Variants in UBE2L3 observed in about 807,000 individuals in gnomAD.
UBE2L3 encodes the protein ubiquitin-conjugating enzyme E2 L3.
In UBE2L3, 1 loss-of-function variant was observed where a neutral mutation model predicts 17.8. The observed-to-expected ratio is 0.06, with a 90% CI of 0.02 to 0.27. The LOEUF (loss-of-function observed/expected upper bound fraction) is 0.27. UBE2L3 is among the 10% of genes least tolerant of loss of function. The pLI, the probability that UBE2L3 is intolerant of heterozygous loss-of-function variation, is 1.00. For missense variants in UBE2L3, 40 were observed against 192.6 expected, an observed-to-expected ratio of 0.21 and a Z score of 4.69; for synonymous variants, 44 against 68.5, an observed-to-expected ratio of 0.64 and a Z score of 1.76.
chr22:21,605,945 G>A (rs556186780), intron 2 of UBE2L3, among the ~76,000 whole-genome samples: 15 of 152,070 alleles, frequency 9.9e-5, no homozygotes, highest in Middle Eastern at 3.4e-3. Context: ...TTGGGATTAC[G>A]GGCATGAGCC....
intron 1 of UBE2L3, among the ~76,000 whole-genome samples, chr22:21,557,842 C>A (rs1276786937): frequency 6.6e-6 from 1 of 152,236 alleles, no homozygotes; most frequent in Non-Finnish European, 1.5e-5. Context: ...TCTTAAGTGT[C>A]ATTTATCAGA....
At chr22:21,601,385 T>C (rs1928850630) in intron 2 of UBE2L3, among the ~76,000 whole-genome samples, 1 of 150,342 alleles carries the variant, frequency 6.7e-6, no homozygotes, top group African/African-American at 2.4e-5. Context: ...TGATCTCAGC[T>C]CACTGCAACC....
At chr22:21,572,144 T>C in intron 1 of UBE2L3, among the ~76,000 whole-genome samples, 1 of 152,022 alleles carries the variant, frequency 6.6e-6, no homozygotes, top group East Asian at 1.9e-4. Flanking sequence ...ACTAGAAAAC[T>C]CTGAGGCAGG....
At chr22:21,558,467 C>A (rs984789852) in intron 1 of UBE2L3, among the ~76,000 whole-genome samples, 1 of 152,184 alleles carries the variant, frequency 6.6e-6, no homozygotes, top group African/African-American at 2.4e-5. Context: ...CCCGTCTCTA[C>A]TAAAAATACA....
At chr22:21,564,234 A>C (rs888007562), upstream of UBE2L3, among the ~76,000 whole-genome samples, 3 of 151,800 alleles carry the variant, frequency 2.0e-5, no homozygotes, top group Non-Finnish European at 4.4e-5. Flanking sequence ...GGGTCTCCCT[A>C]TGTTGCCCAG....
At chr22:21,619,325 C>G (rs1929937752) in intron 3 of UBE2L3, among the ~76,000 whole-genome samples, 1 of 152,182 alleles carries the variant, frequency 6.6e-6, no homozygotes, top group Non-Finnish European at 1.5e-5. Flanking sequence ...GTGATACCAC[C>G]TACCCCTGAA....
At chr22:21,569,124 A>G (rs370502392) in intron 1 of UBE2L3, among the ~76,000 whole-genome samples, 178 of 150,960 alleles carry the variant, frequency 1.2e-3, no homozygotes, top group African/African-American at 4.3e-3. Flanking sequence ...GCCGGGCGCG[A>G]TGGCTCACGC....
intron 3 of UBE2L3, 112 bp downstream of exon 3, chr22:21,611,155 A>C (rs2148441951): frequency 7.9e-7 from 1 of 1,262,448 alleles, no homozygotes; most frequent in Non-Finnish European, 1.1e-6. Flanking sequence ...CAGGTACACG[A>C]AAAATGTAGC....
intron 1 of UBE2L3, among the ~76,000 whole-genome samples, chr22:21,589,142 ATTTTTTT>A (rs768593270): frequency 9.0e-6 from 1 of 111,728 alleles, no homozygotes; most frequent in South Asian, 2.9e-4. Context: ...CATGATTGGA[ATTTTTTT>A]TTTTTTTTTT....
upstream of UBE2L3, among the ~76,000 whole-genome samples, chr22:21,564,009 A>C (rs1251658830): frequency 6.6e-6 from 1 of 151,344 alleles, no homozygotes; most frequent in African/African-American, 2.4e-5. Flanking sequence ...CAGCCAAAAA[A>C]GTCTACTTCT....
At chr22:21,565,754 C>CAAAAAAAAAAAAA (rs131662), upstream of UBE2L3, among the ~76,000 whole-genome samples, 1 of 30,282 alleles carries the variant, frequency 3.3e-5, no homozygotes. Flanking sequence ...AACTGTGTCT[C>CAAAAAAAAAAAAA]AAAAAAAAAA....
In UBE2L3 at chr22:21,567,722, GA is replaced by G; in HGVS notation, c.-21del. 1.9e-6 allele frequency: 3 copies of G among 1,577,874 alleles called. No homozygotes were observed. The highest frequency in any genetic ancestry group is 2.6e-6 in the Non-Finnish European group (3 of 1,163,270). ...CCGGCCGGCCGCGATGCATTCTGGGGAAGGAGCAGCACCAAATCCAAGATGG... is the reference window on the plus strand; with the variant it reads ...CCGGCCGGCCGCGATGCATTCTGGGGAGGAGCAGCACCAAATCCAAGATGG... On this transcript the variant is annotated 5_prime_UTR_variant, in exon 1 of 4. Transcript: ENST00000342192.
chr22:21,566,049 T>G (rs1247349380), upstream of UBE2L3, among the ~76,000 whole-genome samples: 1 of 149,880 alleles, frequency 6.7e-6, no homozygotes, highest in Non-Finnish European at 1.5e-5. Flanking sequence ...CTTGGCTCAC[T>G]GCAACCTCTG....
intron 1 of UBE2L3, among the ~76,000 whole-genome samples, chr22:21,572,128 G>A (rs965692566): frequency 2.0e-5 from 3 of 152,006 alleles, no homozygotes; most frequent in Non-Finnish European, 2.9e-5. Context: ...ACCTTTTAAG[G>A]TATTTACTAG....
Position 21,570,202 on chromosome 22 carries a change from A to C in UBE2L3, c.27+2431A>C, listed in dbSNP as rs373212257. On this transcript the variant is annotated intron_variant, in intron 1 of 3. Coordinates refer to ENST00000342192, the MANE Select transcript of UBE2L3 (RefSeq NM_003347.4). ...TCCCGAAGGGCAGGGATCTTGACCT[A>C]ATTCATCCTGGTAGCCCCCTAGCCT... Among the ~76,000 whole-genome samples, 9 of 152,236 alleles carry C rather than the reference A, an allele frequency of 5.9e-5. 1 individual carries two copies. Among genetic ancestry groups the C allele is most frequent in the South Asian group, 4.2e-4 (2 of 4,814 alleles).
intron 1 of UBE2L3, 104 bp from the exon 2 acceptor site, chr22:21,592,757 A>C: frequency 1.1e-6 from 1 of 905,306 alleles, no homozygotes. Context: ...CAATTTTGTC[A>C]TTAGCATTTT....
chr22:21,605,222 C>T (rs1346800872), intron 2 of UBE2L3, among the ~76,000 whole-genome samples: 6 of 152,122 alleles, frequency 3.9e-5, no homozygotes, highest in Non-Finnish European at 8.8e-5. Context: ...GAGAGAACAC[C>T]TTGCTCTATC....
chr22:21,570,196 T>G (rs1048444917), intron 1 of UBE2L3, among the ~76,000 whole-genome samples: 1 of 152,200 alleles, frequency 6.6e-6, no homozygotes, highest in Non-Finnish European at 1.5e-5. Flanking sequence ...GCAGGGATCT[T>G]GACCTAATTC....
intron 1 of UBE2L3, among the ~76,000 whole-genome samples, chr22:21,569,996 G>C (rs1327381432): frequency 6.6e-6 from 1 of 152,182 alleles, no homozygotes; most frequent in African/African-American, 2.4e-5. Flanking sequence ...CTCCCTTCCA[G>C]AGAAGTCCCA....
Sources: gnomAD v4.1 joint callset for allele counts (sites outside exome capture counted in the v4.1 genomes callset) on GRCh38, gnomAD v4.1.1 for gene constraint, MANE v1.5 for transcripts, NCBI Gene and HGNC (gene_info 2026-07-23, HGNC 2026-07-21) for gene names.